ZMIZ1: variants seen among roughly 807,000 people sequenced by gnomAD.
ZMIZ1 encodes zinc finger MIZ-type containing 1.
ZMIZ1 carries 17 observed loss-of-function variants against 113.9 expected under a neutral mutation model. The observed-to-expected ratio is 0.15, with a 90% CI of 0.10 to 0.22. The LOEUF (loss-of-function observed/expected upper bound fraction) is 0.22. Ranked by LOEUF, ZMIZ1 falls within the 10% of genes least tolerant of loss-of-function variation. The pLI is 1.00. For synonymous variants in ZMIZ1, 607 were observed against 603.1 expected (o/e 1.01, Z -0.09); for missense variants, 1,059 against 1,477.8 (o/e 0.72, Z 4.65).
intron 8 of ZMIZ1, among the ~76,000 whole-genome samples, chr10:79,280,623 G>T (rs1782647): frequency 1.3e-5 from 2 of 150,246 alleles, no homozygotes; most frequent in African/African-American, 2.5e-5. Context: ...GGCATTTGGC[G>T]TCTTGGTCCC....
chr10:79,283,931 C>G (rs921449126), intron 8 of ZMIZ1, among the ~76,000 whole-genome samples: 2 of 152,254 alleles, frequency 1.3e-5, no homozygotes, highest in Non-Finnish European at 2.9e-5. Flanking sequence ...AGCAGTAACA[C>G]TACAGCCTTG....
At chr10:79,197,001 G>A (rs776015423) in intron 4 of ZMIZ1, among the ~76,000 whole-genome samples, 105 of 152,236 alleles carry the variant, frequency 6.9e-4, no homozygotes, top group Non-Finnish European at 2.5e-4. Context: ...ACAGTGTGCA[G>A]GTCTGGCCCC....
chr10:79,202,196 A>T (rs1297642047), intron 5 of ZMIZ1, among the ~76,000 whole-genome samples: 56 of 137,308 alleles, frequency 4.1e-4, no homozygotes, highest in Non-Finnish European at 6.8e-4. Context: ...TCAGAAAAAA[A>T]AAAAAAAAAA....
intron 9 of ZMIZ1, 163 bp from the exon 10 acceptor site, chr10:79,290,789 CCTTATCA>C (rs1454954102): frequency 2.5e-6 from 2 of 803,034 alleles, no homozygotes; most frequent in Admixed American, 4.0e-5. Flanking sequence ...CAGGCCCGCT[CCTTATCA>C]CCGGTACACT....
chr10:79,090,537 G>GT (rs908110634), intron 1 of ZMIZ1, among the ~76,000 whole-genome samples: 2 of 152,144 alleles, frequency 1.3e-5, no homozygotes, highest in Non-Finnish European at 2.9e-5. Context: ...GTGGGATCCC[G>GT]TTTATTTATT....
At chr10:79,142,823 G>T (rs1017610021) in intron 3 of ZMIZ1, among the ~76,000 whole-genome samples, 1 of 152,200 alleles carries the variant, frequency 6.6e-6, no homozygotes, top group African/African-American at 2.4e-5. Context: ...CCTCCCCCTT[G>T]TCCAAAAACG....
chr10:79,289,945 A>C (rs1589573980), intron 9 of ZMIZ1, 56 bp downstream of exon 9: 7 of 1,539,408 alleles, frequency 4.5e-6, no homozygotes. Context: ...GTGTCCCTTG[A>C]CCCCTGGAGC....
intron 3 of ZMIZ1, among the ~76,000 whole-genome samples, chr10:79,140,241 G>A (rs1447332996): frequency 3.3e-5 from 5 of 152,168 alleles, no homozygotes; most frequent in African/African-American, 1.2e-4. Context: ...GTGCTTCACT[G>A]GGGATGTGGC....
chr10:79,313,563 A>AT lies in ZMIZ1; in HGVS notation c.*814_*815insT. ...TGGGGAACAGAGAGAGCAGGTGTAC[A>AT]CCCAACCAAAGTGATTGTGCCCTTG... On this transcript the variant is annotated 3_prime_UTR_variant, in exon 25 of 25. Coordinates refer to ENST00000334512, the MANE Select transcript of ZMIZ1 (RefSeq NM_020338.4). 5.0e-6 allele frequency: 1 copy of AT among 200,154 alleles called. No individual in the cohort carries two copies. Among genetic ancestry groups the AT allele is most frequent in the Non-Finnish European group, 1.0e-5 (1 of 98,150 alleles). The allele number at this position is 200,154 out of a possible 1,614,324, so 12.4% of individuals were successfully genotyped here.
intron 7 of ZMIZ1, among the ~76,000 whole-genome samples, chr10:79,218,476 AAAC>A (rs57880065): frequency 0.025 from 3,773 of 151,962 alleles, 102 homozygotes; most frequent in East Asian, 0.076. Flanking sequence ...CCCTGTCTCA[AAAC>A]AACAACAACA....
At chr10:79,278,028 G>A (rs912656209) in intron 8 of ZMIZ1, among the ~76,000 whole-genome samples, 3 of 152,210 alleles carry the variant, frequency 2.0e-5, no homozygotes, top group Non-Finnish European at 2.9e-5. Context: ...GTCAGAGCTC[G>A]GCTCTCATTA....
intron 7 of ZMIZ1, among the ~76,000 whole-genome samples, chr10:79,261,223 C>T (rs1265555922): frequency 6.6e-6 from 1 of 152,228 alleles, no homozygotes; most frequent in Non-Finnish European, 1.5e-5. Context: ...GAGGCCCATC[C>T]AGTTCGTGCT....
At chr10:79,277,114 G>T (rs78898816) in intron 7 of ZMIZ1, 67 bp from the exon 8 acceptor site, 34 of 1,442,306 alleles carry the variant, frequency 2.4e-5, no homozygotes, top group Admixed American at 1.7e-4. Flanking sequence ...GGGAGAGTTG[G>T]GGGGGGGTCT....
At chr10:79,176,684 G>A (rs564039288) in intron 4 of ZMIZ1, among the ~76,000 whole-genome samples, 66 of 150,258 alleles carry the variant, frequency 4.4e-4, no homozygotes, top group African/African-American at 1.6e-3. Context: ...TTTGGAGGTT[G>A]CAGGATCTAG....
intron 20 of ZMIZ1, 133 bp from the exon 21 acceptor site, chr10:79,305,400 A>T (rs1854618984): frequency 8.2e-7 from 1 of 1,218,816 alleles, no homozygotes. Context: ...ACGCGGTCAG[A>T]GTCCCCCTCT....
chr10:79,200,029 C>A (rs1279560256), intron 4 of ZMIZ1, among the ~76,000 whole-genome samples: 1 of 152,208 alleles, frequency 6.6e-6, no homozygotes, highest in Non-Finnish European at 1.5e-5. Context: ...GTTTCCTCAT[C>A]TCTAAAATGG....
chr10:79,096,434 C>A (rs1473521570), intron 1 of ZMIZ1, among the ~76,000 whole-genome samples: 2 of 152,142 alleles, frequency 1.3e-5, no homozygotes, highest in African/African-American at 2.4e-5. Context: ...ATGGCGTGAA[C>A]CCGGGAGGCG....
intron 1 of ZMIZ1, among the ~76,000 whole-genome samples, chr10:79,101,967 T>G (rs1353364084): frequency 1.3e-5 from 2 of 152,142 alleles, no homozygotes; most frequent in Admixed American, 6.5e-5. Context: ...ACACGGCAAG[T>G]GGGACCTCCG....
intron 4 of ZMIZ1, among the ~76,000 whole-genome samples, chr10:79,183,369 C>T (rs1179429369): frequency 6.6e-6 from 1 of 151,888 alleles, no homozygotes; most frequent in Non-Finnish European, 1.5e-5. Context: ...CACACACACA[C>T]ACACACACAC....
Sources: gnomAD v4.1 joint callset for allele counts (sites outside exome capture counted in the v4.1 genomes callset) on GRCh38, gnomAD v4.1.1 for gene constraint, MANE v1.5 for transcripts, NCBI Gene and HGNC (gene_info 2026-07-23, HGNC 2026-07-21) for gene names.